Variants in SNX8 observed in about 807,000 individuals in gnomAD.
The protein encoded by SNX8 is sorting nexin 8, also known as sorting nexin-8.
In SNX8, 25 loss-of-function variants were observed where a neutral mutation model predicts 51.6. The observed-to-expected ratio is 0.48, with a 90% CI of 0.35 to 0.68. The LOEUF (loss-of-function observed/expected upper bound fraction) is 0.68. Ranked by LOEUF, SNX8 falls within the 30% of genes least tolerant of loss-of-function variation. SNX8 has a pLI of 0.00. For missense variants in SNX8, 695 were observed against 624.0 expected (o/e 1.11, Z -1.21); for synonymous variants, 324 against 277.0 (o/e 1.17, Z -1.68).
chr7:2,328,811 C>A (rs541669801), intron 1 of SNX8, among the ~76,000 whole-genome samples: 9 of 151,162 alleles, frequency 6.0e-5, no homozygotes, highest in African/African-American at 1.2e-4. Flanking sequence ...ACTCGCCAGG[C>A]GTGGTGGCTC....
At chr7:2,296,701 C>T (rs754034576) in intron 1 of SNX8, among the ~76,000 whole-genome samples, 60 of 151,756 alleles carry the variant, frequency 4.0e-4, no homozygotes, top group Non-Finnish European at 6.8e-4. Context: ...GAGGCCGAGG[C>T]GGGTGGATCA....
chr7:2,287,447 C>T (rs1306355576), intron 1 of SNX8, among the ~76,000 whole-genome samples: 7 of 151,654 alleles, frequency 4.6e-5, no homozygotes, highest in African/African-American at 1.5e-4. Flanking sequence ...GGTGTGGTGG[C>T]GCATGCCTGT....
chr7:2,347,716 G>A (rs1779059658), intron 1 of SNX8, among the ~76,000 whole-genome samples: 1 of 150,616 alleles, frequency 6.6e-6, no homozygotes. Context: ...TGTGATCTCG[G>A]CTCACTGCAA....
chr7:2,280,792 C>CTTT (rs11464982), intron 1 of SNX8, among the ~76,000 whole-genome samples: 23 of 138,800 alleles, frequency 1.7e-4, no homozygotes, highest in Middle Eastern at 3.6e-3. Context: ...CTAGAATGCC[C>CTTT]TTTTTTTTTT....
At chr7:2,313,885 G>C (rs898833789) in intron 1 of SNX8, among the ~76,000 whole-genome samples, 2 of 152,250 alleles carry the variant, frequency 1.3e-5, no homozygotes, top group African/African-American at 4.8e-5. Context: ...CAACCGACAG[G>C]AGCTTGGGAG....
intron 1 of SNX8, among the ~76,000 whole-genome samples, chr7:2,281,647 A>T (rs370465454): frequency 7.9e-5 from 12 of 152,134 alleles, no homozygotes; most frequent in East Asian, 3.9e-4. Flanking sequence ...ACCCTAAACT[A>T]ACCCAGTCCC....
At chr7:2,307,005 G>A (rs1796558235) in intron 1 of SNX8, among the ~76,000 whole-genome samples, 1 of 152,164 alleles carries the variant, frequency 6.6e-6, no homozygotes. Context: ...TTTCACTTCA[G>A]ATTTCCATAA....
intron 1 of SNX8, among the ~76,000 whole-genome samples, chr7:2,286,931 G>A (rs1248209782): frequency 6.6e-6 from 1 of 151,786 alleles, no homozygotes; most frequent in Non-Finnish European, 1.5e-5. Flanking sequence ...ATGAGGTCAG[G>A]AGTTCAAGAC....
chr7:2,272,077 C>A (rs375998965), intron 3 of SNX8, 106 bp from the exon 4 acceptor site: 1 of 1,487,554 alleles, frequency 6.7e-7, no homozygotes, highest in Non-Finnish European at 9.1e-7. Context: ...GAGGGCCCAG[C>A]GGCTAGCAGA....
chr7:2,257,515 C>T lies in SNX8; in HGVS notation c.985-1G>A. 1 of 1,601,938 alleles carries T rather than the reference C, an allele frequency of 6.2e-7. No homozygotes were observed. Among genetic ancestry groups the T allele is most frequent in the Admixed American group, 1.7e-5 (1 of 58,978 alleles). ...CCTTCTCATGCCGCTCGCACAGGTC[C>T]TGCGGGGCCGGGGGAGGCATTCGCC... is the stretch of plus-strand genomic sequence containing the variant. On this transcript the variant is annotated splice_acceptor_variant, in intron 8 of 10. Transcript: ENST00000222990. LOFTEE classifies it high-confidence loss of function.
chr7:2,342,225 C>T (rs556559826), intron 1 of SNX8, among the ~76,000 whole-genome samples: 10 of 151,566 alleles, frequency 6.6e-5, no homozygotes, highest in South Asian at 4.2e-4. Flanking sequence ...AATAAATGTA[C>T]TTCAGGTAGA....
rs540088947 is a variant in SNX8, at chr7:2,314,390, G to C, written c.32C>G (p.Ala11Gly). 3.9e-5 allele frequency: 48 copies of C among 1,220,886 alleles called. No homozygotes were observed. In the African/African-American group the frequency reaches 7.3e-4, roughly 19 times the overall value. The allele number at this position is 1,220,886 out of a possible 1,614,324, so 75.6% of individuals were successfully genotyped here. A position where few individuals can be genotyped will look rare whatever the true frequency, so the allele number is the denominator to read the frequency against. ...CTCAGCTGCCGCCCCGACTGCAGCC[G>C]CGGGCAGCGGGTCCATCGCGCGGCC... MTGRAMDPLPAAAVGAAAEAE... is the reference protein window; with the variant it reads MTGRAMDPLPGAAVGAAAEAE... Residue 11 changes from alanine (A) to glycine (G), a missense_variant, in exon 1 of 11, where the codon GCG becomes GGG. By Grantham distance (60) the Ala-to-Gly change is moderately conservative. Transcript: ENST00000222990.
chr7:2,313,892 GGA>G (rs1200285572), intron 1 of SNX8, among the ~76,000 whole-genome samples: 2 of 152,222 alleles, frequency 1.3e-5, no homozygotes, highest in Non-Finnish European at 2.9e-5. Context: ...CAGGAGCTTG[GGA>G]GAGAGGATGT....
intron 1 of SNX8, among the ~76,000 whole-genome samples, chr7:2,297,647 G>A (rs34320540): frequency 0.053 from 8,012 of 150,154 alleles, 308 homozygotes; most frequent in Non-Finnish European, 0.083. Flanking sequence ...CTAAGTGCCC[G>A]TCAACCGATG....
chr7:2,306,983 A>AATT (rs71023392), intron 1 of SNX8, among the ~76,000 whole-genome samples: 57,944 of 151,594 alleles, frequency 0.38, 12,960 homozygotes, highest in South Asian at 0.53. Context: ...GGGTTAATCA[A>AATT]ACTTTGTGTA....
intron 4 of SNX8, among the ~76,000 whole-genome samples, chr7:2,271,578 A>C (rs920602387): frequency 6.6e-6 from 1 of 152,110 alleles, no homozygotes; most frequent in Admixed American, 6.6e-5. Flanking sequence ...AAACCCTCCA[A>C]ACCATCCAGC....
At chr7:2,330,010 C>T (rs1240922626) in intron 1 of SNX8, among the ~76,000 whole-genome samples, 4 of 141,562 alleles carry the variant, frequency 2.8e-5, no homozygotes, top group Non-Finnish European at 4.5e-5. Context: ...TTTGTATTTT[C>T]AGTAGAGACT....
intron 1 of SNX8, among the ~76,000 whole-genome samples, chr7:2,351,958 A>T: frequency 9.1e-6 from 1 of 110,108 alleles, no homozygotes; most frequent in Non-Finnish European, 1.7e-5. Context: ...CCCAGGCTGG[A>T]GTGAAATGGT....
intron 1 of SNX8, among the ~76,000 whole-genome samples, chr7:2,294,477 G>A (rs996424090): frequency 6.6e-6 from 1 of 152,108 alleles, no homozygotes; most frequent in African/African-American, 2.4e-5. Context: ...AACACTGTAA[G>A]TAGGTACATT....
Sources: gnomAD v4.1 joint callset for allele counts (sites outside exome capture counted in the v4.1 genomes callset) on GRCh38, gnomAD v4.1.1 for gene constraint, MANE v1.5 for transcripts, NCBI Gene and HGNC (gene_info 2026-07-23, HGNC 2026-07-21) for gene names.